The following CSF1R variants were observed in gnomAD, a reference collection of about 807,000 sequenced individuals.
CSF1R encodes colony stimulating factor 1 receptor.
CSF1R carries 40 observed loss-of-function variants against 110.0 expected under a neutral mutation model. The observed-to-expected ratio is 0.36, with a 90% CI of 0.28 to 0.47. The LOEUF (loss-of-function observed/expected upper bound fraction) is 0.47. Among genes scored for constraint, CSF1R ranks in the 20% least tolerant of loss-of-function variants. CSF1R has a pLI of 0.99. For synonymous variants in CSF1R, 523 were observed against 503.4 expected, an observed-to-expected ratio of 1.04 and a Z score of -0.52; for missense variants, 1,052 against 1,253.0, an observed-to-expected ratio of 0.84 and a Z score of 2.42.
At chr5:150,106,935 G>A (rs1759576936) in intron 1 of CSF1R, among the ~76,000 whole-genome samples, 1 of 152,204 alleles carries the variant, frequency 6.6e-6, no homozygotes, top group Non-Finnish European at 1.5e-5. Flanking sequence ...TTATGAGAGT[G>A]GTTATTGGTG....
At chr5:150,105,359 A>ATAT (rs1554106066) in intron 1 of CSF1R, among the ~76,000 whole-genome samples, 9 of 103,100 alleles carry the variant, frequency 8.7e-5, no homozygotes, top group East Asian at 2.6e-4. Flanking sequence ...AAAAAAAAAA[A>ATAT]AAAAATATAT....
At chr5:150,093,181 C>T (rs574739348) in intron 1 of CSF1R, among the ~76,000 whole-genome samples, 1 of 152,270 alleles carries the variant, frequency 6.6e-6, no homozygotes, top group South Asian at 2.1e-4. Flanking sequence ...CAGGTTCAAG[C>T]GATTCTCACG....
intron 12 of CSF1R, 98 bp downstream of exon 12, chr5:150,061,393 G>T: frequency 9.2e-7 from 1 of 1,087,248 alleles, no homozygotes; most frequent in Non-Finnish European, 1.3e-6. Context: ...GGCTTCAACA[G>T]GTTGAAATGT....
intron 1 of CSF1R, among the ~76,000 whole-genome samples, chr5:150,085,217 A>C (rs1188871878): frequency 6.8e-6 from 1 of 146,712 alleles, no homozygotes; most frequent in Non-Finnish European, 1.5e-5. Flanking sequence ...TGGAGGTTGC[A>C]GTGAGCCGAG....
At chr5:150,105,765 G>A (rs1014818392) in intron 1 of CSF1R, among the ~76,000 whole-genome samples, 5 of 152,080 alleles carry the variant, frequency 3.3e-5, no homozygotes, top group African/African-American at 9.7e-5. Context: ...GGCATCAAGC[G>A]ATCCTCCTGC....
At chr5:150,084,446 GGAAGGA>G (rs1418392635) in intron 1 of CSF1R, among the ~76,000 whole-genome samples, 10 of 64,640 alleles carry the variant, frequency 1.5e-4, no homozygotes, top group Non-Finnish European at 2.1e-4. Context: ...AAGGAAGGAA[GGAAGGA>G]AGGAAGAAAG....
chr5:150,084,099 C>G (rs13172085), intron 1 of CSF1R, among the ~76,000 whole-genome samples: 89,412 of 151,756 alleles, frequency 0.59, 27,478 homozygotes, highest in African/African-American at 0.78. Flanking sequence ...CACTTTGGGA[C>G]GCCAAGGCAG....
intron 14 of CSF1R, 142 bp from the exon 15 acceptor site, chr5:150,057,734 T>C: frequency 3.1e-6 from 2 of 647,634 alleles, no homozygotes; most frequent in Non-Finnish European, 5.5e-6. Context: ...TCCATCTGAG[T>C]GAGCATTGGT....
chr5:150,068,030 A>G (rs1414674048), intron 10 of CSF1R, among the ~76,000 whole-genome samples, 185 bp downstream of exon 10: 2 of 152,112 alleles, frequency 1.3e-5, no homozygotes, highest in Non-Finnish European at 2.9e-5. Flanking sequence ...AGTAAACGCT[A>G]TTAGGGCAGA....
intron 1 of CSF1R, among the ~76,000 whole-genome samples, chr5:150,095,474 C>G (rs1378183719): frequency 6.6e-6 from 1 of 151,898 alleles, no homozygotes; most frequent in Non-Finnish European, 1.5e-5. Flanking sequence ...AAAAAGGTAT[C>G]TGGGAAATTG....
chr5:150,053,720 G>A lies in CSF1R; in HGVS notation c.*349C>T, dbSNP rs1757034271. On this transcript the variant is annotated 3_prime_UTR_variant, in exon 21 of 21. Transcript: ENST00000675795. ...TTTTCTCAGTATCAGTGTAGCTCCTGGGGACTTCATAGGCATAAAGTCAGT... is the reference window on the plus strand; with the variant it reads ...TTTTCTCAGTATCAGTGTAGCTCCTAGGGACTTCATAGGCATAAAGTCAGT... 2.5e-6 allele frequency: 1 copy of A among 401,634 alleles called. No homozygotes were observed. The highest frequency in any genetic ancestry group is 4.6e-6 in the Non-Finnish European group (1 of 217,824). 24.9% of individuals were successfully genotyped at this position (401,634 alleles called of 1,614,324 possible). A position where few individuals can be genotyped will look rare whatever the true frequency, so the allele number is the denominator to read the frequency against.
At chr5:150,091,373 G>T (rs952790582), upstream of CSF1R, among the ~76,000 whole-genome samples, 2 of 152,118 alleles carry the variant, frequency 1.3e-5, no homozygotes, top group Non-Finnish European at 2.9e-5. Flanking sequence ...GCCAAAAGGT[G>T]GAAACAGTTG....
intron 1 of CSF1R, 35 bp downstream of exon 1, chr5:150,086,344 C>T (rs750316945): frequency 3.8e-6 from 6 of 1,580,378 alleles, no homozygotes; most frequent in Non-Finnish European, 4.3e-6. Flanking sequence ...CCATCACACC[C>T]CAACAAAGTC....
At chr5:150,060,112 G>A (rs569957437) in intron 13 of CSF1R, among the ~76,000 whole-genome samples, 1 of 152,220 alleles carries the variant, frequency 6.6e-6, no homozygotes, top group East Asian at 1.9e-4. Context: ...TGGATCACGA[G>A]GTCAGGAGAT....
At chr5:150,065,779 A>C (rs1470310342) in intron 10 of CSF1R, among the ~76,000 whole-genome samples, 1 of 152,218 alleles carries the variant, frequency 6.6e-6, no homozygotes, top group African/African-American at 2.4e-5. Context: ...CTCCAGGGGC[A>C]GCTGAATTTC....
intron 5 of CSF1R, among the ~76,000 whole-genome samples, chr5:150,075,862 G>C (rs1472951547): frequency 6.6e-6 from 1 of 152,214 alleles, no homozygotes; most frequent in Non-Finnish European, 1.5e-5. Flanking sequence ...CCCTGCCAAA[G>C]CTCCCAGTGC....
intron 1 of CSF1R, among the ~76,000 whole-genome samples, chr5:150,108,449 C>T (rs139666764): frequency 2.4e-4 from 37 of 152,226 alleles, no homozygotes; most frequent in African/African-American, 8.9e-4. Context: ...AGGTTGGAAT[C>T]AGATCAGGGA....
At position 150,069,941 on chromosome 5, in the gene CSF1R, T is replaced by C. The variant is rs374872712; in HGVS notation, c.1442A>G (p.Gln481Arg). Reference protein sequence around the residue: ...LLTVETLEHNQTYECRAHNSV... With the variant: ...LLTVETLEHNRTYECRAHNSV... ...GTTGTGGGCCCTGCACTCGTAGGTTTGGTTGTGCTCTAAGGTCTCAACAGT... is the reference window on the plus strand; with the variant it reads ...GTTGTGGGCCCTGCACTCGTAGGTTCGGTTGTGCTCTAAGGTCTCAACAGT... Residue 481 changes from glutamine to arginine, a missense_variant, in exon 9 of 21, where the codon CAA (glutamine) becomes CGA (arginine). Gln to Arg is a conservative substitution (Grantham distance 43). Coordinates refer to ENST00000675795, the MANE Select transcript of CSF1R (RefSeq NM_001288705.3). 2 of 1,613,996 alleles carry C rather than the reference T, an allele frequency of 1.2e-6. No individual in the cohort carries two copies. Among genetic ancestry groups the C allele is most frequent in the African/African-American group, 2.7e-5 (2 of 74,910 alleles).
At chr5:150,087,300 T>C (rs1419720691), upstream of CSF1R, among the ~76,000 whole-genome samples, 2 of 152,246 alleles carry the variant, frequency 1.3e-5, no homozygotes, top group Non-Finnish European at 2.9e-5. Context: ...CAGGTTGGTC[T>C]GGGAGAGCCT....
Sources: gnomAD v4.1 joint callset for allele counts (sites outside exome capture counted in the v4.1 genomes callset) on GRCh38, gnomAD v4.1.1 for gene constraint, MANE v1.5 for transcripts, NCBI Gene and HGNC (gene_info 2026-07-23, HGNC 2026-07-21) for gene names.